Variants in SOX6 observed in about 807,000 individuals in gnomAD.
SOX6 encodes the protein SRY-box transcription factor 6.
A neutral mutation model predicts 97.8 loss-of-function variants in SOX6; 11 were observed. The ratio of observed to expected loss-of-function variants is 0.11; its 90% CI spans 0.07 to 0.19. The LOEUF is 0.19. Ranked by LOEUF, SOX6 falls within the 10% of genes least tolerant of loss-of-function variation. The pLI is 1.00. For missense variants in SOX6, 810 were observed against 1,039.5 expected (o/e 0.78, Z 3.04); for synonymous variants, 360 against 371.4 (o/e 0.97, Z 0.35).
intron 9 of SOX6, among the ~76,000 whole-genome samples, chr11:16,084,956 T>C (rs562581858): frequency 2.0e-5 from 3 of 152,174 alleles, no homozygotes; most frequent in Non-Finnish European, 2.9e-5. Flanking sequence ...ATCAACACCA[T>C]TGATAAATGA....
At chr11:16,114,493 G>A (rs1170271350) in intron 6 of SOX6, among the ~76,000 whole-genome samples, 1 of 152,184 alleles carries the variant, frequency 6.6e-6, no homozygotes, top group Non-Finnish European at 1.5e-5. Flanking sequence ...ATCCTTGTTA[G>A]ATCCGTGTTC....
At position 16,573,027 on chromosome 11, in the gene SOX6, CA is replaced by C. The variant is rs541529375; in HGVS notation, n.609+39053del. On this transcript the variant is annotated intron_variant and non_coding_transcript_variant, in intron 4 of 5. Coordinates refer to the SOX6 transcript ENST00000524520. ...TTCCATTCTTTAAAATTTCAGTAGA[CA>C]ACTTCAGTGCTAACCTACCACTGCC... is the stretch of plus-strand genomic sequence containing the variant. 1.1e-4 allele frequency among the ~76,000 whole-genome samples: 17 copies of C among 152,238 alleles called. No homozygotes were observed. The East Asian group carries it at 3.3e-3, about 29-fold the overall frequency.
chr11:16,598,180 CT>C (rs1427554745), intron 4 of SOX6, among the ~76,000 whole-genome samples: 1 of 151,902 alleles, frequency 6.6e-6, no homozygotes, highest in Non-Finnish European at 1.5e-5. Flanking sequence ...CAAAACAACC[CT>C]ATGATATAGG....
intron 2 of SOX6, among the ~76,000 whole-genome samples, chr11:16,721,483 A>C (rs1848260739): frequency 7.4e-6 from 1 of 135,000 alleles, no homozygotes; most frequent in Non-Finnish European, 1.5e-5. Flanking sequence ...TGTCACTGCA[A>C]TGGGTGGGTC....
chr11:16,269,117 T>A (rs1854167374), intron 3 of SOX6, among the ~76,000 whole-genome samples: 1 of 150,818 alleles, frequency 6.6e-6, no homozygotes. Context: ...TAACGTTATC[T>A]TTTTTAAATG....
intron 1 of SOX6, among the ~76,000 whole-genome samples, chr11:16,373,418 T>C (rs1436302757): frequency 1.3e-5 from 2 of 152,198 alleles, no homozygotes; most frequent in East Asian, 3.9e-4. Context: ...TCACACTTTG[T>C]TTTGTTCCAT....
intron 1 of SOX6, among the ~76,000 whole-genome samples, chr11:16,412,808 C>T (rs1434327198): frequency 6.6e-6 from 1 of 152,112 alleles, no homozygotes; most frequent in Non-Finnish European, 1.5e-5. Context: ...AGGTTAGAAA[C>T]CTCAGTAGAA....
At chr11:16,343,570 T>G (rs297321) in intron 1 of SOX6, among the ~76,000 whole-genome samples, 2,649 of 151,866 alleles carry the variant, frequency 0.017, 38 homozygotes, top group African/African-American at 0.029. Flanking sequence ...AATCTATGAG[T>G]TGAGTTTAAA....
chr11:16,022,206 TATCTCAA>T (rs764275479), intron 12 of SOX6, among the ~76,000 whole-genome samples: 92 of 152,268 alleles, frequency 6.0e-4, no homozygotes, highest in Admixed American at 2.4e-3. Flanking sequence ...TGTTGCTAAG[TATCTCAA>T]AGCTAAACTA....
intron 3 of SOX6, among the ~76,000 whole-genome samples, chr11:16,271,877 CT>C (rs984998380): frequency 6.6e-6 from 1 of 150,486 alleles, no homozygotes; most frequent in Non-Finnish European, 1.5e-5. Flanking sequence ...TATTACTTTG[CT>C]TTTTTCTTTG....
At chr11:16,737,702 G>A (rs1381682432) in intron 1 of SOX6, among the ~76,000 whole-genome samples, 1 of 152,090 alleles carries the variant, frequency 6.6e-6, no homozygotes, top group African/African-American at 2.4e-5. Context: ...GAGTAGAGGA[G>A]TGATCACTTG....
chr11:16,014,727 C>T (rs964818432), intron 13 of SOX6, among the ~76,000 whole-genome samples: 2 of 151,960 alleles, frequency 1.3e-5, no homozygotes, highest in African/African-American at 2.4e-5. Flanking sequence ...GCTAAGTATT[C>T]GGTAATGTAA....
chr11:16,055,957 T>G, intron 9 of SOX6, 56 bp from the exon 10 acceptor site: 1 of 1,595,082 alleles, frequency 6.3e-7, no homozygotes, highest in South Asian at 1.1e-5. Context: ...AAATTGAGTT[T>G]CAAAAGAAAA....
chr11:15,984,958 A>G (rs1853786039), intron 15 of SOX6, among the ~76,000 whole-genome samples: 1 of 152,318 alleles, frequency 6.6e-6, no homozygotes, highest in African/African-American at 2.4e-5. Flanking sequence ...AGTTTCCACT[A>G]TTCATTTCAT....
upstream of SOX6, among the ~76,000 whole-genome samples, chr11:16,477,306 T>C (rs1482904553): frequency 2.0e-5 from 3 of 152,140 alleles, no homozygotes; most frequent in Non-Finnish European, 2.9e-5. Flanking sequence ...CCAGCAAATA[T>C]CTAGGTTAGT....
chr11:16,059,410 G>A (rs1479068782), intron 9 of SOX6, among the ~76,000 whole-genome samples: 4 of 151,588 alleles, frequency 2.6e-5, no homozygotes, highest in East Asian at 1.9e-4. Context: ...CATCAACCAC[G>A]GAGAAAATAG....
intron 9 of SOX6, among the ~76,000 whole-genome samples, chr11:16,070,459 C>T (rs1029011960): frequency 2.0e-5 from 3 of 152,126 alleles, no homozygotes; most frequent in Non-Finnish European, 2.9e-5. Flanking sequence ...TTGAATTGCA[C>T]CAATTATTTT....
At chr11:16,423,992 G>A (rs147850003) in intron 1 of SOX6, among the ~76,000 whole-genome samples, 15 of 152,238 alleles carry the variant, frequency 9.9e-5, no homozygotes, top group Admixed American at 2.6e-4. Context: ...TTAGTCAACC[G>A]TATTAATTAC....
chr11:16,660,508 G>A (rs983615555), intron 3 of SOX6, among the ~76,000 whole-genome samples: 2 of 152,180 alleles, frequency 1.3e-5, no homozygotes, highest in African/African-American at 2.4e-5. Flanking sequence ...TGCCCAGAAT[G>A]TGATCTATCT....
Sources: gnomAD v4.1 joint callset for allele counts (sites outside exome capture counted in the v4.1 genomes callset) on GRCh38, gnomAD v4.1.1 for gene constraint, MANE v1.5 for transcripts, NCBI Gene and HGNC (gene_info 2026-07-23, HGNC 2026-07-21) for gene names.